Variants in ARAP2 observed in about 807,000 individuals in gnomAD.
The protein encoded by ARAP2 is arf-GAP with Rho-GAP domain, ANK repeat and PH domain-containing protein 2.
ARAP2 carries 148 observed loss-of-function variants against 194.5 expected under a neutral mutation model. The ratio of observed to expected loss-of-function variants is 0.76; its 90% CI spans 0.67 to 0.87. The LOEUF (loss-of-function observed/expected upper bound fraction) is 0.87. Among genes scored for constraint, ARAP2 ranks in the 40% least tolerant of loss-of-function variants. The pLI is 0.00. For missense variants in ARAP2, 2,128 were observed against 1,989.7 expected, an observed-to-expected ratio of 1.07 and a Z score of -1.32; for synonymous variants, 695 against 683.5, an observed-to-expected ratio of 1.02 and a Z score of -0.26.
At chr4:36,208,989 A>G (rs1746156556) in intron 6 of ARAP2, among the ~76,000 whole-genome samples, 2 of 152,188 alleles carry the variant, frequency 1.3e-5, no homozygotes, top group Non-Finnish European at 2.9e-5. Context: ...ATATATTGTA[A>G]CTGTCCCAGA....
At chr4:36,209,247 C>T (rs1746222343) in intron 6 of ARAP2, 1 of 322,724 alleles carries the variant, frequency 3.1e-6, no homozygotes, top group Non-Finnish European at 6.1e-6. Flanking sequence ...GTGTTTAGAC[C>T]TGAGCACTGA....
intron 1 of ARAP2, among the ~76,000 whole-genome samples, chr4:36,230,470 C>T (rs533298405): frequency 1.3e-5 from 2 of 152,278 alleles, no homozygotes; most frequent in East Asian, 3.9e-4. Context: ...GAATAATCAG[C>T]TAATTCTTAA....
At chr4:36,217,413 G>A (rs1748180058) in intron 2 of ARAP2, among the ~76,000 whole-genome samples, 1 of 152,100 alleles carries the variant, frequency 6.6e-6, no homozygotes, top group South Asian at 2.1e-4. Flanking sequence ...CCAGATACTC[G>A]GGGTGGCTGA....
intron 1 of ARAP2, among the ~76,000 whole-genome samples, chr4:36,241,907 G>C (rs1353426257): frequency 6.6e-6 from 1 of 152,104 alleles, no homozygotes; most frequent in East Asian, 1.9e-4. Flanking sequence ...GGCCTCCTTT[G>C]TTTTCTCTGC....
chr4:36,081,861 G>A (rs530594468), intron 30 of ARAP2, among the ~76,000 whole-genome samples: 2 of 152,230 alleles, frequency 1.3e-5, no homozygotes, highest in South Asian at 4.1e-4. Flanking sequence ...ATGGATACTG[G>A]TAACAGTATA....
intron 3 of ARAP2, chr4:36,052,003 A>C (rs1722749797): frequency 6.6e-6 from 1 of 152,244 alleles, no homozygotes; most frequent in Non-Finnish European, 1.5e-5. Context: ...TAACGAAACT[A>C]ACCATTTTCT....
rs755447807 is a variant in ARAP2, at chr4:36,073,825, T to C, written c.4609-2A>G. The stretch of plus-strand genomic sequence containing the variant: ...TGGTGGCCATATATCATATTCATGC[T>C]GTGGAAACACAATTTCTTGCTGTTG... On this transcript the variant is annotated splice_acceptor_variant, in intron 31 of 32. Transcript: ENST00000303965. LOFTEE classifies it high-confidence loss of function. 6.2e-7 allele frequency: 1 copy of C among 1,612,598 alleles called. No homozygotes were observed.
chr4:36,230,091 T>A (rs1351962956), intron 1 of ARAP2, among the ~76,000 whole-genome samples: 1 of 152,192 alleles, frequency 6.6e-6, no homozygotes, highest in Non-Finnish European at 1.5e-5. Context: ...TAATAAGCCA[T>A]AACATTTGGG....
At chr4:36,241,073 G>C (rs762264472) in intron 1 of ARAP2, among the ~76,000 whole-genome samples, 4 of 152,158 alleles carry the variant, frequency 2.6e-5, no homozygotes, top group Non-Finnish European at 5.9e-5. Flanking sequence ...CTAATGTAGA[G>C]AGATCCCTAA....
chr4:36,200,402 T>G (rs972639171), intron 6 of ARAP2, among the ~76,000 whole-genome samples: 1 of 151,978 alleles, frequency 6.6e-6, no homozygotes, highest in Non-Finnish European at 1.5e-5. Context: ...ATTACGGGCA[T>G]GCACCACCAT....
At position 36,073,791 on chromosome 4, in the gene ARAP2, C is replaced by A. The variant is rs1727601286; in HGVS notation, c.4641G>T (p.Lys1547Asn). Residue 1547 changes from lysine (K) to asparagine (N), a missense_variant, in exon 32 of 33, where the codon AAG (lysine) becomes AAT (asparagine). Physicochemically the swap from Lys to Asn is moderately conservative, Grantham distance 94. Transcript: ENST00000303965. ...HEYDIWPPAGKERKRSITKNP... is the reference protein window; with the variant it reads ...HEYDIWPPAGNERKRSITKNP... ...TTTTGGTTATTGAACGTTTTCGTTCCTTTCCAGCTGGTGGCCATATATCAT... is the reference window on the plus strand; with the variant it reads ...TTTTGGTTATTGAACGTTTTCGTTCATTTCCAGCTGGTGGCCATATATCAT... The A allele has an allele frequency of 6.2e-7, 1 of 1,613,010 alleles. No homozygotes were observed. The highest frequency in any genetic ancestry group is 1.3e-5 in the African/African-American group (1 of 74,834).
intron 1 of ARAP2, among the ~76,000 whole-genome samples, chr4:36,238,220 C>T (rs1186296395): frequency 6.6e-6 from 1 of 152,174 alleles, no homozygotes; most frequent in African/African-American, 2.4e-5. Context: ...TGTTCTCTAC[C>T]TCAACCACTA....
At chr4:36,148,987 T>A (rs1730301153) in intron 16 of ARAP2, among the ~76,000 whole-genome samples, 1 of 152,286 alleles carries the variant, frequency 6.6e-6, no homozygotes, top group Non-Finnish European at 1.5e-5. Flanking sequence ...AAGATAAATT[T>A]TCCTTTCATC....
At chr4:36,023,189 CAA>C (rs1457562453) in intron 5 of ARAP2, among the ~76,000 whole-genome samples, 2 of 152,226 alleles carry the variant, frequency 1.3e-5, no homozygotes, top group Admixed American at 1.3e-4. Flanking sequence ...GTGATTCAGC[CAA>C]AGAGTTCGGC....
chr4:36,075,178 C>G (rs1035608645), intron 31 of ARAP2, among the ~76,000 whole-genome samples: 4 of 152,046 alleles, frequency 2.6e-5, no homozygotes, highest in East Asian at 1.9e-4. Context: ...TGTGAATTAC[C>G]CTTACACTTT....
intron 3 of ARAP2, 126 bp from the exon 4 acceptor site, chr4:36,213,445 T>C: frequency 9.3e-6 from 6 of 644,490 alleles, no homozygotes; most frequent in Non-Finnish European, 1.6e-5. Flanking sequence ...TCTGTAAGAG[T>C]CCAAATTATG....
At chr4:36,096,917 T>C (rs1039166522) in intron 27 of ARAP2, among the ~76,000 whole-genome samples, 1 of 152,132 alleles carries the variant, frequency 6.6e-6, no homozygotes, top group African/African-American at 2.4e-5. Flanking sequence ...CTTGTTGGTT[T>C]ACAAATAGGT....
At position 36,228,769 on chromosome 4, in the gene ARAP2, A is replaced by G. The variant is rs376823530; in HGVS notation, c.718T>C (p.Ser240Pro). The change falls in exon 2 of 33, where the codon TCA becomes CCA. Residue 240 changes from serine (S) to proline (P), a missense_variant. Physicochemically the swap from Ser to Pro is moderately conservative, Grantham distance 74. Coordinates refer to ENST00000303965, the MANE Select transcript of ARAP2 (RefSeq NM_015230.4). Reference protein sequence around the residue: ...GNGTNGLLEGSPPSPFFKFQG... With the variant: ...GNGTNGLLEGPPPSPFFKFQG... ...AACTTAAAGAATGGGGATGGTGGTG[A>G]TCCTTCTAATAAACCATTTGTTCCA... 6.2e-7 allele frequency: 1 copy of G among 1,614,126 alleles called. No individual in the cohort carries two copies. Among genetic ancestry groups the G allele is most frequent in the Non-Finnish European group, 8.5e-7 (1 of 1,180,012 alleles).
At chr4:36,012,522 C>T (rs1357611836) in intron 9 of ARAP2, 7 of 152,176 alleles carry the variant, frequency 4.6e-5, no homozygotes, top group Admixed American at 4.6e-4. Flanking sequence ...TTGTCCTGCA[C>T]ATTTGTATAA....
Sources: gnomAD v4.1 joint callset for allele counts (sites outside exome capture counted in the v4.1 genomes callset) on GRCh38, gnomAD v4.1.1 for gene constraint, MANE v1.5 for transcripts, NCBI Gene and HGNC (gene_info 2026-07-23, HGNC 2026-07-21) for gene names.